Variants in CSPP1 observed in about 807,000 individuals in gnomAD.
CSPP1 encodes the protein centrosome and spindle pole-associated protein 1.
Under a neutral mutation model 164.4 loss-of-function variants are expected in CSPP1, and 126 were observed. The observed-to-expected ratio is 0.77, with a 90% CI of 0.66 to 0.89. The LOEUF is 0.89. Ranked by LOEUF, CSPP1 falls within the 40% of genes least tolerant of loss-of-function variation. CSPP1 has a pLI of 0.00. For synonymous variants in CSPP1, 472 were observed against 476.7 expected, an observed-to-expected ratio of 0.99 and a Z score of 0.13; for missense variants, 1,395 against 1,449.8, an observed-to-expected ratio of 0.96 and a Z score of 0.61.
At chr8:67,166,591 C>T (rs965204827) in intron 24 of CSPP1, among the ~76,000 whole-genome samples, 2 of 152,130 alleles carry the variant, frequency 1.3e-5, no homozygotes, top group African/African-American at 4.8e-5. Flanking sequence ...TTCAATAATT[C>T]TCCCATAGTA....
chr8:67,195,388 A>AGAG lies in CSPP1; in HGVS notation c.3477_3479dup (p.Glu1159_Ser1160insArg). 2 of 1,613,170 alleles carry AGAG rather than the reference A, an allele frequency of 1.2e-6. No individual in the cohort carries two copies. The highest frequency in any genetic ancestry group is 1.7e-6 in the Non-Finnish European group (2 of 1,179,222). ...TGTCCCTTGCCTCCTGTAGATGATG[A>AGAG]GAGTTCACTGGTTGACCCTGATGAC... On this transcript the variant is annotated inframe_insertion, in exon 31 of 31. Transcript: ENST00000678616.
At chr8:67,070,756 G>T (rs1314268130) in intron 1 of CSPP1, among the ~76,000 whole-genome samples, 1 of 147,908 alleles carries the variant, frequency 6.8e-6, no homozygotes, top group Non-Finnish European at 1.5e-5. Flanking sequence ...TATTTTTAGT[G>T]TTTTTTTTTG....
At chr8:67,109,539 A>G (rs1026746498) in intron 9 of CSPP1, among the ~76,000 whole-genome samples, 1 of 152,144 alleles carries the variant, frequency 6.6e-6, no homozygotes, top group Non-Finnish European at 1.5e-5. Context: ...TACAGGTCCT[A>G]CCCATTCTCA....
At position 67,086,077 on chromosome 8, in the gene CSPP1, A is replaced by G; in HGVS notation, c.270A>G (p.Glu90=). Reference sequence around the variant, plus strand: ...GGAAGAAACATAAATTAAAAGAAGAATTGCGGCAAGATTACAGACGTTATC... The same window carrying G: ...GGAAGAAACATAAATTAAAAGAAGAGTTGCGGCAAGATTACAGACGTTATC... The part of the protein sequence containing the change: ...YERKKHKLKE[E]LRQDYRRYLT... Residue 90 remains glutamate (E), a synonymous_variant, in exon 4 of 31, where the codon GAA becomes GAG. Transcript: ENST00000678616. The G allele has an allele frequency of 6.6e-7, 1 of 1,506,624 alleles. No individual in the cohort carries two copies. The allele number at this position is 1,506,624 out of a possible 1,614,324, so 93.3% of individuals were successfully genotyped here. A position where few individuals can be genotyped will look rare whatever the true frequency, so the allele number is the denominator to read the frequency against.
At chr8:67,128,748 T>C (rs868263094) in intron 15 of CSPP1, among the ~76,000 whole-genome samples, 23 of 152,112 alleles carry the variant, frequency 1.5e-4, no homozygotes, top group African/African-American at 5.3e-4. Flanking sequence ...CCTCAAAGTA[T>C]AGAGAAAGGA....
At chr8:67,123,012 C>G (rs558809516) in intron 15 of CSPP1, 1 of 152,354 alleles carries the variant, frequency 6.6e-6, no homozygotes, top group African/African-American at 2.4e-5. Flanking sequence ...TCCTCCTACC[C>G]CAGCCTCCTG....
chr8:67,098,420 T>C (rs1212997312), intron 7 of CSPP1, among the ~76,000 whole-genome samples: 2 of 151,540 alleles, frequency 1.3e-5, no homozygotes, highest in Admixed American at 6.6e-5. Context: ...TCATATACCA[T>C]AATTATTAAT....
intron 1 of CSPP1, among the ~76,000 whole-genome samples, chr8:67,071,086 G>A (rs1220921443): frequency 6.6e-6 from 1 of 152,062 alleles, no homozygotes; most frequent in Non-Finnish European, 1.5e-5. Context: ...GTTTCTTTTG[G>A]CATTACATAA....
At chr8:67,068,779 A>G in intron 1 of CSPP1, among the ~76,000 whole-genome samples, 1 of 152,248 alleles carries the variant, frequency 6.6e-6, no homozygotes, top group East Asian at 1.9e-4. Flanking sequence ...CAGAATGTCA[A>G]CATCAGATAA....
intron 13 of CSPP1, among the ~76,000 whole-genome samples, chr8:67,117,501 T>A (rs1563602107): frequency 6.6e-6 from 1 of 152,242 alleles, no homozygotes; most frequent in Admixed American, 6.5e-5. Flanking sequence ...AATACAGAGA[T>A]ATTTCCTAAT....
At chr8:67,187,707 C>A (rs770485148) in intron 28 of CSPP1, among the ~76,000 whole-genome samples, 2 of 152,028 alleles carry the variant, frequency 1.3e-5, no homozygotes, top group African/African-American at 4.8e-5. Context: ...AATAGACTCA[C>A]GCAAATACAG....
rs560351612 is a variant in CSPP1 at position 67,193,540 on chromosome 8, G to C, written c.3407G>C (p.Arg1136Thr). 3 of 1,613,596 alleles carry C rather than the reference G, an allele frequency of 1.9e-6. No homozygotes were observed. The highest frequency in any genetic ancestry group is 1.3e-5 in the African/African-American group (1 of 75,036). Residue 1136 changes from arginine to threonine, a missense_variant, in exon 30 of 31, where the codon AGA (arginine) becomes ACA (threonine). Coordinates refer to ENST00000678616, the MANE Select transcript of CSPP1 (RefSeq NM_001382391.1). ...SISSVNVDEL[R>T]VRNEERMRRL... ...TCCAGTGTAAATGTTGATGAGCTTA[G>C]AGTGAGAAATGAGGAACGAATGCGA...
rs147237993 is a variant in CSPP1, at chr8:67,108,830, A to G, written c.1093+2855A>G. On this transcript the variant is annotated intron_variant, in intron 9 of 30. Coordinates refer to ENST00000678616, the MANE Select transcript of CSPP1 (RefSeq NM_001382391.1). ...CAGATTTTTTTGCCCTTCCCCTAAC[A>G]GTAACAAGCCTTTGCTATATAAGAG... 3.9e-3 allele frequency among the ~76,000 whole-genome samples: 590 copies of G among 152,312 alleles called. 3 individuals carry two copies. The highest frequency in any genetic ancestry group is 0.013 in the African/African-American group (560 of 41,568).
intron 28 of CSPP1, among the ~76,000 whole-genome samples, chr8:67,188,010 A>G (rs1166853893): frequency 6.6e-6 from 1 of 152,222 alleles, no homozygotes; most frequent in African/African-American, 2.4e-5. Flanking sequence ...CAATTCATAA[A>G]AGAAATAATT....
intron 9 of CSPP1, 31 bp downstream of exon 9, chr8:67,106,006 T>C: frequency 2.8e-6 from 3 of 1,082,394 alleles, no homozygotes; most frequent in Non-Finnish European, 4.3e-6. Context: ...TAGTTGCGCT[T>C]GTATAGAGTG....
At chr8:67,165,045 G>A (rs577479840) in intron 24 of CSPP1, among the ~76,000 whole-genome samples, 16 of 152,312 alleles carry the variant, frequency 1.1e-4, no homozygotes, top group South Asian at 6.2e-4. Context: ...GCACTTTTGG[G>A]AGGCCAAGGT....
At position 67,115,926 on chromosome 8, in the gene CSPP1, A is replaced by T; in HGVS notation, c.1300A>T (p.Lys434Ter). The change falls in exon 13 of 31, where the codon AAG (lysine) becomes TAG (stop). Residue 434 changes from lysine (K) to a stop codon, truncating the protein, a stop_gained. Coordinates refer to ENST00000678616, the MANE Select transcript of CSPP1 (RefSeq NM_001382391.1). LOFTEE classifies it high-confidence loss of function. ...QLSKEEPDRL[K>*]QFSVAPRHFE... is the part of the protein sequence containing the mutation. ...TTCTTTATTTTAGCCTGATAGACTA[A>T]AGCAGTTTAGTGTGGCACCAAGACA... 1 of 1,613,762 alleles carries T rather than the reference A, an allele frequency of 6.2e-7. No individual in the cohort carries two copies. Among genetic ancestry groups the T allele is most frequent in the Non-Finnish European group, 8.5e-7 (1 of 1,179,742 alleles).
In CSPP1 at chr8:67,159,509, C is replaced by CTTTTTTTTTTTT. The variant is rs1172369424; in HGVS notation, c.2538+390_2538+401dup. On this transcript the variant is annotated intron_variant, in intron 21 of 30. Transcript: ENST00000678616. ...GTTTATATATATATATATATGTATT[C>CTTTTTTTTTTTT]TTTTTTTTTTTTTTTTTTTTTTTTT... Among the ~76,000 whole-genome samples, 6 of 48,916 alleles carry CTTTTTTTTTTTT rather than the reference C, an allele frequency of 1.2e-4. 1 individual carries two copies. The highest frequency in any genetic ancestry group is 6.6e-4 in the East Asian group (1 of 1,504). The allele number at this position is 48,916 out of a possible 152,430, so 32.1% of individuals were successfully genotyped here. A position where few individuals can be genotyped will look rare whatever the true frequency, so the allele number is the denominator to read the frequency against.
chr8:67,126,130 C>A (rs114311139), intron 15 of CSPP1, among the ~76,000 whole-genome samples: 1,894 of 152,284 alleles, frequency 0.012, 41 homozygotes, highest in African/African-American at 0.044. Context: ...CTGTGCCCAG[C>A]CACTTTATTT....
Sources: gnomAD v4.1 joint callset for allele counts (sites outside exome capture counted in the v4.1 genomes callset) on GRCh38, gnomAD v4.1.1 for gene constraint, MANE v1.5 for transcripts, NCBI Gene and HGNC (gene_info 2026-07-23, HGNC 2026-07-21) for gene names.